Variants in RELN observed in about 807,000 individuals in gnomAD.
RELN encodes reelin.
RELN carries 108 observed loss-of-function variants against 427.6 expected under a neutral mutation model. The ratio of observed to expected loss-of-function variants is 0.25; its 90% confidence interval spans 0.22 to 0.30. RELN has a LOEUF of 0.30. Among genes scored for constraint, RELN ranks in the 10% least tolerant of loss-of-function variants. The pLI is 1.00. For synonymous variants in RELN, 1,524 were observed against 1,513.4 expected (o/e 1.01, Z -0.16); for missense variants, 3,715 against 4,302.8 (o/e 0.86, Z 3.82).
chr7:103,509,172 C>CA (rs1829314163), intron 51 of RELN, among the ~76,000 whole-genome samples: 1 of 152,150 alleles, frequency 6.6e-6, no homozygotes, highest in African/African-American at 2.4e-5. Context: ...CACATGGAAC[C>CA]AGAAAAGAGC....
At chr7:103,480,656 T>C (rs1828200702) in intron 63 of RELN, among the ~76,000 whole-genome samples, 1 of 152,296 alleles carries the variant, frequency 6.6e-6, no homozygotes, top group East Asian at 1.9e-4. Flanking sequence ...AGAAGGAAAA[T>C]AAATTCCTTT....
At chr7:103,533,388 A>C (rs1236349591) in intron 46 of RELN, among the ~76,000 whole-genome samples, 1 of 152,240 alleles carries the variant, frequency 6.6e-6, no homozygotes, top group Admixed American at 6.5e-5. Context: ...CATATTTACC[A>C]AGTAACTGAA....
At chr7:103,732,868 C>T (rs1790390234) in intron 6 of RELN, among the ~76,000 whole-genome samples, 1 of 152,050 alleles carries the variant, frequency 6.6e-6, no homozygotes, top group African/African-American at 2.4e-5. Context: ...TGTAGGTTGC[C>T]TGTTCACTCT....
intron 6 of RELN, among the ~76,000 whole-genome samples, chr7:103,743,845 AC>A (rs1790739823): frequency 6.6e-6 from 1 of 152,130 alleles, no homozygotes; most frequent in Non-Finnish European, 1.5e-5. Flanking sequence ...TCAACATTAG[AC>A]AGATCAACAA....
intron 11 of RELN, among the ~76,000 whole-genome samples, chr7:103,676,353 C>G (rs1005125864): frequency 6.6e-6 from 1 of 152,098 alleles, no homozygotes; most frequent in African/African-American, 2.4e-5. Flanking sequence ...CCATCTCACA[C>G]CAGTTAGAAT....
chr7:103,824,810 AT>A lies in RELN; in HGVS notation c.473+8726del, dbSNP rs1171051615. Among the ~76,000 whole-genome samples the A allele has an allele frequency of 2.0e-5, 3 of 152,044 alleles. No homozygotes were observed. Among genetic ancestry groups the A allele is most frequent in the Non-Finnish European group, 4.4e-5 (3 of 68,010 alleles). On this transcript the variant is annotated intron_variant, in intron 3 of 64. Transcript: ENST00000428762. The surrounding 1 kb of genome is among the most constrained non-coding windows in gnomAD (Gnocchi z 4.4). ...GTCTGAAATTGTACCACAGAAACAA[AT>A]ATTTTGTTTATGTCACTTAATATTC...
intron 28 of RELN, among the ~76,000 whole-genome samples, chr7:103,587,639 A>G (rs74607883): frequency 0.22 from 33,430 of 152,132 alleles, 3,850 homozygotes; most frequent in Middle Eastern, 0.31. Context: ...ACAAGGGACC[A>G]ATATAATAGG....
intron 2 of RELN, among the ~76,000 whole-genome samples, chr7:103,837,444 C>G (rs535540128): frequency 6.6e-6 from 1 of 152,222 alleles, no homozygotes; most frequent in Non-Finnish European, 1.5e-5. Context: ...CCCTCACTCT[C>G]ACCTCTAAGC....
chr7:103,765,856 C>T (rs538416791), intron 4 of RELN, among the ~76,000 whole-genome samples: 24 of 152,106 alleles, frequency 1.6e-4, no homozygotes, highest in Non-Finnish European at 2.8e-4. Flanking sequence ...ATGTATATAG[C>T]CCTCAGCACT....
chr7:103,744,212 C>A (rs1328364732), intron 6 of RELN, among the ~76,000 whole-genome samples: 1 of 151,092 alleles, frequency 6.6e-6, no homozygotes, highest in South Asian at 2.1e-4. Context: ...TCTTTGAAAC[C>A]AATGAGAACA....
chr7:103,812,901 T>C (rs1249170855), intron 3 of RELN, among the ~76,000 whole-genome samples: 1 of 152,198 alleles, frequency 6.6e-6, no homozygotes, highest in East Asian at 1.9e-4. Context: ...ATATCAATGT[T>C]TAAAATTGCT....
rs187205323 is a variant in RELN at position 103,626,735 on chromosome 7, G to A, written c.2702+3205C>T. On this transcript the variant is annotated intron_variant, in intron 20 of 64. Coordinates refer to ENST00000428762, the MANE Select transcript of RELN (RefSeq NM_005045.4). The surrounding 1 kb of genome is among the most constrained non-coding windows in gnomAD (Gnocchi z 4.4). ...TAGCTGGTTTATTAGATGGGGCAGA[G>A]GAATGTTAATGTTCCCTTGGTATTA... is the stretch of plus-strand genomic sequence containing the variant. Among the ~76,000 whole-genome samples, 67 of 152,186 alleles carry A rather than the reference G, an allele frequency of 4.4e-4. No individual in the cohort carries two copies. The highest frequency in any genetic ancestry group is 1.4e-3 in the African/African-American group (59 of 41,540).
intron 49 of RELN, 117 bp downstream of exon 49, chr7:103,519,206 C>G (rs755634004): frequency 1.6e-4 from 129 of 794,258 alleles, no homozygotes; most frequent in Non-Finnish European, 2.6e-4. Context: ...ATTTCAGTCT[C>G]AGAGGCATCC....
At chr7:103,924,282 T>C (rs1795677848) in intron 1 of RELN, among the ~76,000 whole-genome samples, 1 of 152,222 alleles carries the variant, frequency 6.6e-6, no homozygotes, top group Non-Finnish European at 1.5e-5. Context: ...TTATTATCAT[T>C]ATTATTACTC....
chr7:103,492,261 G>C (rs531605030), intron 57 of RELN, among the ~76,000 whole-genome samples: 2 of 152,220 alleles, frequency 1.3e-5, no homozygotes, highest in South Asian at 4.2e-4. Context: ...TACTAAATTA[G>C]TATAATAAAA....
intron 2 of RELN, among the ~76,000 whole-genome samples, chr7:103,893,969 T>A (rs1385041830): frequency 6.6e-6 from 1 of 152,152 alleles, no homozygotes; most frequent in Admixed American, 6.6e-5. Flanking sequence ...GAGAAACTAC[T>A]CTCAGGCATA....
At chr7:103,938,864 A>C (rs1046156066) in intron 1 of RELN, among the ~76,000 whole-genome samples, 1 of 152,162 alleles carries the variant, frequency 6.6e-6, no homozygotes, top group Non-Finnish European at 1.5e-5. Context: ...GAAAAAGGTG[A>C]TCATGAAGGG....
intron 11 of RELN, among the ~76,000 whole-genome samples, chr7:103,676,135 C>T (rs1325726007): frequency 6.6e-6 from 1 of 152,102 alleles, no homozygotes; most frequent in Non-Finnish European, 1.5e-5. Context: ...TTACAATCTA[C>T]TCATCTGACA....
In RELN at chr7:103,749,579, G is replaced by A. The variant is rs1030009802; in HGVS notation, c.578-75C>T. ...TTTAGCTAAACACAAGTGCCAACATGCTGTATTTATGAAGAATAATGTATC... is the reference window on the plus strand; with the variant it reads ...TTTAGCTAAACACAAGTGCCAACATACTGTATTTATGAAGAATAATGTATC... On this transcript the variant is annotated intron_variant, in intron 5 of 64. Transcript: ENST00000428762. 4 of 1,041,048 alleles carry A rather than the reference G, an allele frequency of 3.8e-6. No individual in the cohort carries two copies. The African/African-American group carries it at 4.7e-5, about 12-fold the overall frequency. 64.5% of individuals were successfully genotyped at this position (1,041,048 alleles called of 1,614,324 possible).
Sources: allele counts gnomAD v4.1 joint callset (sites outside exome capture counted in the v4.1 genomes callset), GRCh38; gene constraint gnomAD v4.1.1; non-coding constraint Gnocchi (gnomAD v3.1); transcripts MANE v1.5; gene names NCBI Gene and HGNC (gene_info 2026-07-23, HGNC 2026-07-21).